Variants in GNG7 observed in about 807,000 individuals in gnomAD.
GNG7 encodes the protein guanine nucleotide-binding protein G(I)/G(S)/G(O) subunit gamma-7.
GNG7 carries 1 observed loss-of-function variant against 4.0 expected under a neutral mutation model. The ratio of observed to expected loss-of-function variants is 0.25; its 90% CI spans 0.09 to 1.18. GNG7 has a LOEUF of 1.18. GNG7 is among the 50% of genes most tolerant of loss of function. The pLI is 0.50. For missense variants in GNG7, 86 were observed against 91.9 expected (o/e 0.94, Z 0.26); for synonymous variants, 34 against 36.9 (o/e 0.92, Z 0.29).
chr19:2,689,056 T>C (rs555917256), intron 1 of GNG7, among the ~76,000 whole-genome samples: 28 of 151,436 alleles, frequency 1.8e-4, no homozygotes, highest in African/African-American at 6.8e-4. Context: ...AGAGTAAGAC[T>C]CTGTCTCAAA....
At chr19:2,524,412 T>C (rs1978331001) in intron 3 of GNG7, among the ~76,000 whole-genome samples, 1 of 152,236 alleles carries the variant, frequency 6.6e-6, no homozygotes, top group African/African-American at 2.4e-5. Flanking sequence ...GGTGTGCATG[T>C]CAGTGTGCAC....
intron 4 of GNG7, among the ~76,000 whole-genome samples, chr19:2,518,146 C>T (rs1028768173): frequency 6.6e-6 from 1 of 152,186 alleles, no homozygotes; most frequent in East Asian, 1.9e-4. Context: ...GCCCCAAGAT[C>T]GTCGCCGTTG....
chr19:2,558,062 T>G (rs1473143971), intron 2 of GNG7, among the ~76,000 whole-genome samples: 1 of 151,944 alleles, frequency 6.6e-6, no homozygotes, highest in East Asian at 1.9e-4. Flanking sequence ...AGGATGGCCT[T>G]GATCTCCTGA....
At chr19:2,668,229 AAAAGAGAC>A (rs963802011) in intron 1 of GNG7, among the ~76,000 whole-genome samples, 16 of 152,032 alleles carry the variant, frequency 1.1e-4, no homozygotes, top group African/African-American at 3.9e-4. Context: ...TCAAAAAAAA[AAAAGAGAC>A]AGAGAGAAGA....
chr19:2,556,685 C>T (rs1043153059), intron 2 of GNG7, among the ~76,000 whole-genome samples: 2 of 152,168 alleles, frequency 1.3e-5, no homozygotes, highest in Non-Finnish European at 2.9e-5. Context: ...CGAGTCCCGG[C>T]TTTCCCAGAG....
At chr19:2,677,894 T>C (rs960148363) in intron 1 of GNG7, among the ~76,000 whole-genome samples, 5 of 152,172 alleles carry the variant, frequency 3.3e-5, no homozygotes, top group African/African-American at 1.2e-4. Flanking sequence ...CAGAGAACGA[T>C]CTGGCCCCAA....
intron 2 of GNG7, among the ~76,000 whole-genome samples, chr19:2,576,645 C>T (rs1980351092): frequency 6.6e-6 from 1 of 152,176 alleles, no homozygotes; most frequent in Non-Finnish European, 1.5e-5. Flanking sequence ...CTCCTGGGCT[C>T]AAGCGATCCT....
At chr19:2,642,862 G>C in intron 2 of GNG7, 1 of 456,764 alleles carries the variant, frequency 2.2e-6, no homozygotes, top group Non-Finnish European at 4.4e-6. Flanking sequence ...GGAATGCATA[G>C]TCTGAGCCCT....
chr19:2,581,550 A>G (rs550674581), intron 2 of GNG7, among the ~76,000 whole-genome samples: 1 of 152,268 alleles, frequency 6.6e-6, no homozygotes, highest in East Asian at 1.9e-4. Flanking sequence ...GTCTGCAGCC[A>G]GGACGCCTGC....
intron 2 of GNG7, among the ~76,000 whole-genome samples, chr19:2,556,514 C>T (rs1381399859): frequency 6.6e-6 from 1 of 152,142 alleles, no homozygotes; most frequent in Non-Finnish European, 1.5e-5. Context: ...TTTTTTCCAC[C>T]GACACAAAGA....
Position 2,618,011 on chromosome 19 carries a change from C to T in GNG7, c.-78+28213G>A, listed in dbSNP as rs983848494. Among the ~76,000 whole-genome samples the T allele has an allele frequency of 1.3e-5, 2 of 151,836 alleles. No individual in the cohort carries two copies. Among genetic ancestry groups the T allele is most frequent in the Admixed American group, 1.3e-4 (2 of 15,244 alleles). On this transcript the variant is annotated intron_variant, in intron 2 of 4. Coordinates refer to ENST00000382159, the MANE Select transcript of GNG7 (RefSeq NM_052847.3). This position sits in a 1 kb window ranked among gnomAD's most constrained non-coding sequence, Gnocchi z 5.1. Reference sequence around the variant, plus strand: ...CTGAGATTACAGGCGTGACTATTTCCTTATCTTCTAAGACCCTCTGTTTGG... The same window carrying T: ...CTGAGATTACAGGCGTGACTATTTCTTTATCTTCTAAGACCCTCTGTTTGG...
At chr19:2,585,783 C>T (rs531690719) in intron 2 of GNG7, among the ~76,000 whole-genome samples, 3 of 152,154 alleles carry the variant, frequency 2.0e-5, no homozygotes, top group South Asian at 2.1e-4. Context: ...TCACTGTAAC[C>T]TCCGCCTCCC....
chr19:2,610,170 T>C (rs1372942631), intron 2 of GNG7: 2 of 151,314 alleles, frequency 1.3e-5, no homozygotes, highest in Non-Finnish European at 2.9e-5. Context: ...TAATTTTTTA[T>C]TTTTTTTGGA....
At chr19:2,668,462 C>T (rs1283412372) in intron 1 of GNG7, among the ~76,000 whole-genome samples, 1 of 152,098 alleles carries the variant, frequency 6.6e-6, no homozygotes, top group Non-Finnish European at 1.5e-5. Flanking sequence ...GGCGGTTGGT[C>T]TTGTCTCCTG....
chr19:2,514,946 C>G lies in GNG7; in HGVS notation c.*76G>C. ...TTTGAGCTAATTACTGAATGATGCC[C>G]TGCCTGAGACAGAGACAGAGACAGA... On this transcript the variant is annotated 3_prime_UTR_variant, in exon 5 of 5. Coordinates refer to ENST00000382159, the MANE Select transcript of GNG7 (RefSeq NM_052847.3). 1 of 1,235,222 alleles carries G rather than the reference C, an allele frequency of 8.1e-7. No homozygotes were observed. The highest frequency in any genetic ancestry group is 1.2e-6 in the Non-Finnish European group (1 of 851,580). 76.5% of individuals were successfully genotyped at this position (1,235,222 alleles called of 1,614,324 possible). A position where few individuals can be genotyped will look rare whatever the true frequency, so the allele number is the denominator to read the frequency against.
intron 3 of GNG7, among the ~76,000 whole-genome samples, chr19:2,537,344 C>G (rs1014279583): frequency 6.6e-6 from 1 of 152,126 alleles, no homozygotes; most frequent in African/African-American, 2.4e-5. Context: ...CTCCCGGGCT[C>G]AAGCGATCCT....
At position 2,631,320 on chromosome 19, in the gene GNG7, C is replaced by T. The variant is rs541083049; in HGVS notation, c.-78+14904G>A. Among the ~76,000 whole-genome samples the T allele has an allele frequency of 3.4e-4, 52 of 152,308 alleles. 1 individual carries two copies. The highest frequency in any genetic ancestry group is 1.7e-3 in the Admixed American group (26 of 15,294). On this transcript the variant is annotated intron_variant, in intron 2 of 4. Transcript: ENST00000382159. ...ATGTCACCTCATGAAGCCACTTAAC[C>T]TCGCTAGGTCTCAGCATCCTTATCT...
rs181141141 is a variant in GNG7 at position 2,633,094 on chromosome 19, G to A, written c.-78+13130C>T. Reference sequence around the variant, plus strand: ...CCCAGGCGGCACCGGGAGTGTCTGCGCAGAGATCCGAGGGTGTTAGCCTGG... The same window carrying A: ...CCCAGGCGGCACCGGGAGTGTCTGCACAGAGATCCGAGGGTGTTAGCCTGG... On this transcript the variant is annotated intron_variant, in intron 2 of 4. Coordinates refer to ENST00000382159, the MANE Select transcript of GNG7 (RefSeq NM_052847.3). This position sits in a 1 kb window ranked among gnomAD's most constrained non-coding sequence, Gnocchi z 5.9. Among the ~76,000 whole-genome samples the A allele has an allele frequency of 7.0e-4, 106 of 152,368 alleles. 1 individual carries two copies. In the South Asian group the frequency reaches 0.014, roughly 21 times the overall value.
intron 3 of GNG7, among the ~76,000 whole-genome samples, chr19:2,529,613 C>T (rs1408109718): frequency 2.6e-5 from 4 of 152,152 alleles, no homozygotes; most frequent in African/African-American, 7.2e-5. Context: ...TTGTAAGCTC[C>T]GTGATGAGTT....
Sources: gnomAD v4.1 joint callset for allele counts (sites outside exome capture counted in the v4.1 genomes callset) on GRCh38, gnomAD v4.1.1 for gene constraint, Gnocchi (gnomAD v3.1) non-coding constraint, MANE v1.5 for transcripts, NCBI Gene and HGNC (gene_info 2026-07-23, HGNC 2026-07-21) for gene names.